The following NKAIN2 variants were observed in gnomAD, a reference collection of about 807,000 sequenced individuals.
The protein encoded by NKAIN2 is sodium/potassium-transporting ATPase subunit beta-1-interacting protein 2.
In NKAIN2, 14 loss-of-function variants were observed where a neutral mutation model predicts 32.6. The ratio of observed to expected loss-of-function variants is 0.43; its 90% CI spans 0.28 to 0.67. NKAIN2 has a LOEUF of 0.67. Among genes scored for constraint, NKAIN2 ranks in the 30% least tolerant of loss-of-function variants. The pLI is 0.17. For synonymous variants in NKAIN2, 80 were observed against 87.2 expected (o/e 0.92, Z 0.46); for missense variants, 198 against 258.3 (o/e 0.77, Z 1.60).
chr6:124,241,190 G>T (rs982960299), intron 1 of NKAIN2, among the ~76,000 whole-genome samples: 1 of 152,142 alleles, frequency 6.6e-6, no homozygotes, highest in Non-Finnish European at 1.5e-5. Flanking sequence ...TACAAGGAAT[G>T]TAAAGGACCA....
rs1482037372 is a variant in NKAIN2, at chr6:124,229,889, T to TA, written c.55-53111dup. Among the ~76,000 whole-genome samples the TA allele has an allele frequency of 2.0e-5, 3 of 152,048 alleles. No homozygotes were observed. The East Asian group carries it at 5.8e-4, about 29-fold the overall frequency. On this transcript the variant is annotated intron_variant, in intron 1 of 6. Transcript: ENST00000368417. The stretch of plus-strand genomic sequence containing the variant: ...CTCAGGTATGTCTTTATCAGCAGCA[T>TA]AAAAATGGACTAATAAAGTAAATTG...
At chr6:123,808,212 G>T (rs1338006528) in intron 1 of NKAIN2, among the ~76,000 whole-genome samples, 1 of 152,074 alleles carries the variant, frequency 6.6e-6, no homozygotes, top group Admixed American at 6.6e-5. Context: ...AAGTTTGACG[G>T]TTTTTCAGAA....
intron 1 of NKAIN2, among the ~76,000 whole-genome samples, chr6:123,873,696 T>G (rs756745948): frequency 5.3e-5 from 8 of 152,088 alleles, no homozygotes; most frequent in Non-Finnish European, 1.2e-4. Context: ...GGAGAATAGA[T>G]AAGGGACTGA....
intron 4 of NKAIN2, among the ~76,000 whole-genome samples, chr6:124,744,733 T>C (rs1188109297): frequency 6.6e-6 from 1 of 151,866 alleles, no homozygotes; most frequent in Non-Finnish European, 1.5e-5. Flanking sequence ...AAGTTCTTTG[T>C]ACTGAGTTAA....
intron 1 of NKAIN2, among the ~76,000 whole-genome samples, chr6:124,049,556 C>A (rs1279429907): frequency 1.3e-5 from 2 of 152,062 alleles, no homozygotes; most frequent in Non-Finnish European, 2.9e-5. Context: ...GTTTTACTTT[C>A]TGTGATTTCA....
chr6:124,617,530 C>T (rs1782953084), intron 3 of NKAIN2, among the ~76,000 whole-genome samples: 1 of 152,178 alleles, frequency 6.6e-6, no homozygotes, highest in African/African-American at 2.4e-5. Flanking sequence ...AATTCTTTAG[C>T]AAAGTTTTAC....
intron 3 of NKAIN2, among the ~76,000 whole-genome samples, chr6:124,407,825 G>A (rs1476488043): frequency 1.3e-5 from 2 of 150,362 alleles, no homozygotes; most frequent in African/African-American, 4.9e-5. Flanking sequence ...GTGTAAAAGT[G>A]TTCCTATTTC....
At chr6:124,070,350 A>C (rs1441788542) in intron 1 of NKAIN2, among the ~76,000 whole-genome samples, 3 of 152,122 alleles carry the variant, frequency 2.0e-5, no homozygotes, top group Non-Finnish European at 4.4e-5. Context: ...CTGACTTCCA[A>C]CCTACCTGAA....
intron 1 of NKAIN2, among the ~76,000 whole-genome samples, chr6:124,065,087 C>A (rs1157170055): frequency 1.3e-5 from 2 of 152,116 alleles, no homozygotes; most frequent in African/African-American, 2.4e-5. Context: ...CCCACAAGCA[C>A]TTTTTCTCAC....
chr6:123,850,323 A>T lies in NKAIN2; in HGVS notation c.54+46069A>T, dbSNP rs540155413. On this transcript the variant is annotated intron_variant, in intron 1 of 6. Transcript: ENST00000368417. ...TCACATTTCCCCGCCTAACTGGCTG[A>T]TAACACTTGCAAGCTGCTGAAAAAA... 1.2e-4 allele frequency among the ~76,000 whole-genome samples: 18 copies of T among 144,004 alleles called. No homozygotes were observed. In the South Asian group the frequency reaches 3.8e-3, roughly 30 times the overall value. The allele number at this position is 144,004 out of a possible 152,430, so 94.5% of individuals were successfully genotyped here. A position where few individuals can be genotyped will look rare whatever the true frequency, so the allele number is the denominator to read the frequency against.
chr6:123,903,562 A>G (rs1235626223), intron 1 of NKAIN2, among the ~76,000 whole-genome samples: 2 of 152,164 alleles, frequency 1.3e-5, no homozygotes, highest in Non-Finnish European at 1.5e-5. Flanking sequence ...GGCAACTGTC[A>G]TTACCATTTA....
chr6:124,592,112 A>G (rs1164818472), intron 3 of NKAIN2, among the ~76,000 whole-genome samples: 1 of 152,142 alleles, frequency 6.6e-6, no homozygotes, highest in African/African-American at 2.4e-5. Flanking sequence ...TTACTCAACT[A>G]TGTTGATGAT....
At chr6:124,006,977 C>A (rs148788226) in intron 1 of NKAIN2, among the ~76,000 whole-genome samples, 2 of 152,252 alleles carry the variant, frequency 1.3e-5, no homozygotes, top group Non-Finnish European at 2.9e-5. Flanking sequence ...TACTTAAGGA[C>A]AGGAGTACAT....
chr6:123,894,805 T>C (rs1045789290), intron 1 of NKAIN2, among the ~76,000 whole-genome samples: 4 of 152,156 alleles, frequency 2.6e-5, no homozygotes, highest in African/African-American at 9.6e-5. Context: ...ACTCAACCTC[T>C]AAGGGCAATC....
At chr6:124,289,652 T>C (rs1016664030) in intron 2 of NKAIN2, among the ~76,000 whole-genome samples, 1 of 152,208 alleles carries the variant, frequency 6.6e-6, no homozygotes, top group Non-Finnish European at 1.5e-5. Flanking sequence ...TGATTTTTAA[T>C]TGTCCATGGA....
intron 2 of NKAIN2, among the ~76,000 whole-genome samples, chr6:124,288,554 C>T (rs1469452410): frequency 6.6e-6 from 1 of 152,116 alleles, no homozygotes; most frequent in Non-Finnish European, 1.5e-5. Context: ...AAAACAATAA[C>T]ACAAACTATC....
intron 3 of NKAIN2, among the ~76,000 whole-genome samples, chr6:124,469,987 C>T (rs769535805): frequency 2.0e-5 from 3 of 151,992 alleles, no homozygotes; most frequent in Non-Finnish European, 2.9e-5. Context: ...AAGGATTACT[C>T]TGGAGTTACA....
intron 5 of NKAIN2, among the ~76,000 whole-genome samples, chr6:124,805,890 C>T (rs527457918): frequency 5.3e-5 from 8 of 151,568 alleles, no homozygotes; most frequent in East Asian, 3.9e-4. Flanking sequence ...AGGGTATCAG[C>T]GATGGAAGAT....
At chr6:124,448,564 A>G (rs141849045) in intron 3 of NKAIN2, among the ~76,000 whole-genome samples, 86 of 152,220 alleles carry the variant, frequency 5.6e-4, no homozygotes, top group Middle Eastern at 3.4e-3. Flanking sequence ...AATAAATCCA[A>G]TCTCCCTATG....
Sources: gnomAD v4.1 joint callset for allele counts (sites outside exome capture counted in the v4.1 genomes callset) on GRCh38, gnomAD v4.1.1 for gene constraint, MANE v1.5 for transcripts, NCBI Gene and HGNC (gene_info 2026-07-23, HGNC 2026-07-21) for gene names.